The following WDR26 variants were observed in gnomAD, a reference collection of about 807,000 sequenced individuals.
WDR26 encodes the protein WD repeat-containing protein 26.
Under a neutral mutation model 84.1 loss-of-function variants are expected in WDR26, and 5 were observed. The ratio of observed to expected loss-of-function variants is 0.06; its 90% confidence interval spans 0.03 to 0.13. The LOEUF (loss-of-function observed/expected upper bound fraction) is 0.13, where lower values mean the gene tolerates loss of function less well. Among genes scored for constraint, WDR26 ranks in the 10% least tolerant of loss-of-function variants. The probability of loss-of-function intolerance (pLI) is 1.00; values close to 1 mark genes in which losing one functional copy is unlikely to be tolerated. For missense variants in WDR26, 642 were observed against 974.9 expected (o/e 0.66, Z 4.55); for synonymous variants, 415 against 389.6 (o/e 1.07, Z -0.77).
At chr1:224,399,105 A>C in intron 9 of WDR26, 71 bp from the exon 10 acceptor site, 3 of 1,331,190 alleles carry the variant, frequency 2.3e-6, no homozygotes, top group Non-Finnish European at 2.0e-6. Flanking sequence ...GAACCAAAAG[A>C]CTCCCTTCAC....
intron 5 of WDR26, 100 bp from the exon 6 acceptor site, chr1:224,418,516 T>C (rs1048265677): frequency 8.8e-7 from 1 of 1,137,466 alleles, no homozygotes; most frequent in Non-Finnish European, 1.2e-6. Context: ...CCTACCCCAA[T>C]AGTATCTATT....
In WDR26 at chr1:224,385,544, C is replaced by T. The variant is rs1412568006; in HGVS notation, c.*4291G>A. On this transcript the variant is annotated 3_prime_UTR_variant, in exon 14 of 14. Coordinates refer to ENST00000414423, the MANE Select transcript of WDR26 (RefSeq NM_001379403.1). ...ATCAGTCCATAGCAAATAGTTATTA[C>T]ATACCAAAAGCTCTAAGTGTTAACT... 6.6e-6 allele frequency: 1 copy of T among 152,634 alleles called. No individual in the cohort carries two copies. Among genetic ancestry groups the T allele is most frequent in the East Asian group, 1.9e-4 (1 of 5,198 alleles). 9.5% of individuals were successfully genotyped at this position (152,634 alleles called of 1,614,324 possible). A position where few individuals can be genotyped will look rare whatever the true frequency, so the allele number is the denominator to read the frequency against.
rs749864726 is a variant in WDR26, at chr1:224,391,394, AC to A, written c.2261-1535del. On this transcript the variant is annotated intron_variant, in intron 13 of 13. Coordinates refer to ENST00000414423, the MANE Select transcript of WDR26 (RefSeq NM_001379403.1). ...AAAAAAAAAAAAAAACAAAAAAAAAACCTTAATTCTACTGTTAAAATTTTAT... is the reference window on the plus strand; with the variant it reads ...AAAAAAAAAAAAAAACAAAAAAAAAACTTAATTCTACTGTTAAAATTTTAT... 1.3e-3 allele frequency among the ~76,000 whole-genome samples: 174 copies of A among 137,902 alleles called. 1 individual carries two copies. Among genetic ancestry groups the A allele is most frequent in the South Asian group, 5.8e-3 (25 of 4,310 alleles). The allele number at this position is 137,902 out of a possible 152,430, so 90.5% of individuals were successfully genotyped here. A position where few individuals can be genotyped will look rare whatever the true frequency, so the allele number is the denominator to read the frequency against.
Position 224,414,230 on chromosome 1 carries a change from C to T in WDR26, c.1320-2665G>A, listed in dbSNP as rs563478185. On this transcript the variant is annotated intron_variant, in intron 6 of 13. Transcript: ENST00000414423. ...AAGCAATTCTCCTGCTTCAGCCTCCCCAGCAGCTGGGATTACAGGCACCCA... is the reference window on the plus strand; with the variant it reads ...AAGCAATTCTCCTGCTTCAGCCTCCTCAGCAGCTGGGATTACAGGCACCCA... Among the ~76,000 whole-genome samples the T allele has an allele frequency of 9.9e-5, 15 of 152,046 alleles. No homozygotes were observed. In the South Asian group the frequency reaches 2.7e-3, roughly 27 times the overall value.
chr1:224,418,063 T>A (rs1472593000), intron 6 of WDR26, among the ~76,000 whole-genome samples, 197 bp downstream of exon 6: 1 of 152,172 alleles, frequency 6.6e-6, no homozygotes, highest in Non-Finnish European at 1.5e-5. Flanking sequence ...CCAACTTCAG[T>A]TCTCAAGGTA....
At chr1:224,430,032 A>G (rs1330226816) in intron 3 of WDR26, 1 of 152,236 alleles carries the variant, frequency 6.6e-6, no homozygotes, top group East Asian at 1.9e-4. Context: ...AACTTGCCCA[A>G]TGGGAAAGCA....
intron 9 of WDR26, among the ~76,000 whole-genome samples, chr1:224,400,636 C>T (rs762588233): frequency 1.3e-5 from 2 of 152,154 alleles, no homozygotes; most frequent in African/African-American, 2.4e-5. Context: ...ATCTCCGCCT[C>T]CTGAGTTCAA....
At position 224,388,940 on chromosome 1, in the gene WDR26, G is replaced by A. The variant is rs1442930359; in HGVS notation, c.*895C>T. 1 of 152,468 alleles carries A rather than the reference G, an allele frequency of 6.6e-6. No homozygotes were observed. The highest frequency in any genetic ancestry group is 1.5e-5 in the Non-Finnish European group (1 of 68,018). 9.4% of individuals were successfully genotyped at this position (152,468 alleles called of 1,614,324 possible). A position where few individuals can be genotyped will look rare whatever the true frequency, so the allele number is the denominator to read the frequency against. On this transcript the variant is annotated 3_prime_UTR_variant, in exon 14 of 14. Transcript: ENST00000414423. ...AAGATCGGGTACTGATGTTCCTTCA[G>A]GAATAAAACAAAAGGGGGGAAATCT...
Position 224,386,862 on chromosome 1 carries a change from C to T in WDR26, c.*2973G>A, listed in dbSNP as rs1673002209. On this transcript the variant is annotated 3_prime_UTR_variant, in exon 14 of 14. Coordinates refer to ENST00000414423, the MANE Select transcript of WDR26 (RefSeq NM_001379403.1). ...AACAGAAATGTAGCTGTTATGAAGA[C>T]TAAAAAAATACAAAAACCAAAGCTG... 6.6e-6 allele frequency: 1 copy of T among 152,050 alleles called. No individual in the cohort carries two copies. Among genetic ancestry groups the T allele is most frequent in the Non-Finnish European group, 1.5e-5 (1 of 67,980 alleles). The allele number at this position is 152,050 out of a possible 1,614,324, so 9.4% of individuals were successfully genotyped here.
rs1253278935 is a variant in WDR26 at position 224,431,790 on chromosome 1, A to G, written c.723-9T>C. 1 of 1,605,168 alleles carries G rather than the reference A, an allele frequency of 6.2e-7. No homozygotes were observed. ...GGAGATCAACAGTCTGGCTGCAGGA[A>G]AGATACAGTGTAAAACAGACCTGAC... On this transcript the variant is annotated splice_polypyrimidine_tract_variant and intron_variant, in intron 1 of 13. Transcript: ENST00000414423.
In WDR26 at chr1:224,398,115, T is replaced by G. The variant is rs1370752338; in HGVS notation, c.2056A>C (p.Ile686Leu). 1 of 1,613,392 alleles carries G rather than the reference T, an allele frequency of 6.2e-7. No homozygotes were observed. Among genetic ancestry groups the G allele is most frequent in the African/African-American group, 1.3e-5 (1 of 74,906 alleles). ...AATTTACCTTCACTGCCACTAGCGA[T>G]GAAGTCTTCATTATGGCCTCCAAAA... Residue 686 changes from isoleucine (I) to leucine (L), a missense_variant, in exon 12 of 14, where the codon ATC becomes CTC. Transcript: ENST00000414423.
rs141946024 is a variant in WDR26, at chr1:224,422,652, T to A, written c.1064+1866A>T. Among the ~76,000 whole-genome samples the A allele has an allele frequency of 1.1e-3, 163 of 151,458 alleles. 1 individual carries two copies. The highest frequency in any genetic ancestry group is 3.8e-3 in the African/African-American group (157 of 41,278). On this transcript the variant is annotated intron_variant, in intron 4 of 13. Transcript: ENST00000414423. The stretch of plus-strand genomic sequence containing the variant: ...TCACTTGAACCCAGGAGGCGAAGGC[T>A]GCAGTGAGCTGAGATTGCACCATTG...
chr1:224,407,403 G>T (rs1211571541), intron 7 of WDR26, among the ~76,000 whole-genome samples: 1 of 147,726 alleles, frequency 6.8e-6, no homozygotes, highest in Non-Finnish European at 1.5e-5. Context: ...GTAGGCATTG[G>T]AATCACATCA....
At chr1:224,394,186 A>C (rs1673197726) in intron 12 of WDR26, among the ~76,000 whole-genome samples, 173 bp from the exon 13 acceptor site, 1 of 152,194 alleles carries the variant, frequency 6.6e-6, no homozygotes, top group South Asian at 2.1e-4. Context: ...TCAAATATAC[A>C]CTTTTTTCCT....
chr1:224,393,847 T>C lies in WDR26; in HGVS notation c.2241A>G (p.Ile747Met), dbSNP rs751158948. ...TATTACCTTCAATATTCTGGTGGTC[T>C]ATAAAAGGTGCTGGTCCCCATATTC... Residue 747 changes from isoleucine (I) to methionine (M), a missense_variant, in exon 13 of 14, where the codon ATA (isoleucine) becomes ATG (methionine). Coordinates refer to ENST00000414423, the MANE Select transcript of WDR26 (RefSeq NM_001379403.1). The C allele has an allele frequency of 1.3e-6, 2 of 1,546,860 alleles. No homozygotes were observed. The highest frequency in any genetic ancestry group is 2.4e-5 in the South Asian group (2 of 84,662).
At chr1:224,426,118 A>G (rs904050228) in intron 3 of WDR26, among the ~76,000 whole-genome samples, 2 of 152,194 alleles carry the variant, frequency 1.3e-5, no homozygotes, top group Non-Finnish European at 2.9e-5. Flanking sequence ...TTGGCCTCCC[A>G]AAGTGCTGGG....
intron 12 of WDR26, among the ~76,000 whole-genome samples, chr1:224,395,092 A>G (rs1218424200): frequency 6.6e-6 from 1 of 152,240 alleles, no homozygotes. Flanking sequence ...CTCTGGAATC[A>G]GACTACTCAA....
intron 7 of WDR26, among the ~76,000 whole-genome samples, chr1:224,406,329 G>T (rs916954414): frequency 6.6e-6 from 1 of 152,130 alleles, no homozygotes; most frequent in Non-Finnish European, 1.5e-5. Context: ...TTGACTAAAG[G>T]TGGGAAGAAA....
At chr1:224,399,280 A>T (rs1479145899) in intron 9 of WDR26, among the ~76,000 whole-genome samples, 1 of 152,182 alleles carries the variant, frequency 6.6e-6, no homozygotes, top group Non-Finnish European at 1.5e-5. Flanking sequence ...TCCCTTCAAT[A>T]ACTCACCATG....
Sources: gnomAD v4.1 joint callset for allele counts (sites outside exome capture counted in the v4.1 genomes callset) on GRCh38, gnomAD v4.1.1 for gene constraint, MANE v1.5 for transcripts, NCBI Gene and HGNC (gene_info 2026-07-23, HGNC 2026-07-21) for gene names.